Variants in RBFOX1 observed in about 807,000 individuals in gnomAD.
The protein encoded by RBFOX1 is RNA binding fox-1 homolog 1, also known as RNA binding protein fox-1 homolog 1.
Under a neutral mutation model 57.7 loss-of-function variants are expected in RBFOX1, and 8 were observed. The ratio of observed to expected loss-of-function variants is 0.14; its 90% CI spans 0.08 to 0.25. RBFOX1 has a LOEUF of 0.25. Among genes scored for constraint, RBFOX1 ranks in the 10% least tolerant of loss-of-function variants. The pLI, the probability that RBFOX1 is intolerant of heterozygous loss-of-function variation, is 1.00. For synonymous variants in RBFOX1, 326 were observed against 222.4 expected (o/e 1.47, Z -4.15); for missense variants, 611 against 548.5 (o/e 1.11, Z -1.14).
chr16:7,522,404 G>T (rs1408655058), intron 5 of RBFOX1, among the ~76,000 whole-genome samples: 1 of 152,170 alleles, frequency 6.6e-6, no homozygotes, highest in Non-Finnish European at 1.5e-5. Flanking sequence ...GGGCTATACA[G>T]CCTGGAGGGT....
intron 1 of RBFOX1, among the ~76,000 whole-genome samples, chr16:6,117,476 G>T (rs961568847): frequency 6.6e-6 from 1 of 152,240 alleles, no homozygotes; most frequent in Non-Finnish European, 1.5e-5. Flanking sequence ...AGGATTAAGA[G>T]GTGTGGCCAT....
At chr16:6,726,105 A>G (rs2067108877) in intron 3 of RBFOX1, among the ~76,000 whole-genome samples, 1 of 152,162 alleles carries the variant, frequency 6.6e-6, no homozygotes, top group South Asian at 2.1e-4. Flanking sequence ...AATATGAGAG[A>G]ACTTTGTTAC....
In RBFOX1 at chr16:5,824,753, C is replaced by T. The variant is rs573845778; in HGVS notation, c.319-42550C>T. 4.6e-5 allele frequency among the ~76,000 whole-genome samples: 7 copies of T among 152,366 alleles called. No individual in the cohort carries two copies. In the South Asian group the frequency reaches 1.0e-3, roughly 23 times the overall value. ...TCAGACGTTGCTTTCTACATTATAA[C>T]TGCACACTTTGAGCCCAGTGGCTTC... is the stretch of plus-strand genomic sequence containing the variant. On this transcript the variant is annotated intron_variant, in intron 3 of 19. Transcript: ENST00000641259.
At chr16:6,315,483 G>A (rs1027870485) in intron 1 of RBFOX1, among the ~76,000 whole-genome samples, 2 of 150,700 alleles carry the variant, frequency 1.3e-5, no homozygotes, top group Admixed American at 1.3e-4. Context: ...GTGGGTGGAT[G>A]GGTAGGTAGA....
chr16:5,628,320 C>A (rs1046559821), intron 3 of RBFOX1, among the ~76,000 whole-genome samples: 7 of 152,140 alleles, frequency 4.6e-5, no homozygotes, highest in African/African-American at 1.7e-4. Context: ...AGACTAAATT[C>A]TTTTTCTTTT....
At chr16:6,426,427 A>G (rs1202977204) in intron 2 of RBFOX1, among the ~76,000 whole-genome samples, 1 of 152,140 alleles carries the variant, frequency 6.6e-6, no homozygotes, top group African/African-American at 2.4e-5. Flanking sequence ...GAGGGGAAAG[A>G]GATAATCTAG....
intron 2 of RBFOX1, among the ~76,000 whole-genome samples, chr16:5,592,797 G>A (rs1337354182): frequency 1.3e-5 from 2 of 152,196 alleles, no homozygotes; most frequent in African/African-American, 4.8e-5. Flanking sequence ...CAGCCTGCTT[G>A]CTTTCTCTTG....
At chr16:5,843,195 C>T (rs1286214790) in intron 3 of RBFOX1, among the ~76,000 whole-genome samples, 1 of 152,108 alleles carries the variant, frequency 6.6e-6, no homozygotes, top group Admixed American at 6.6e-5. Flanking sequence ...TATAAGTAAA[C>T]TCACGTCTCA....
intron 4 of RBFOX1, among the ~76,000 whole-genome samples, chr16:7,255,493 T>C (rs753122689): frequency 5.3e-5 from 8 of 152,248 alleles, no homozygotes; most frequent in Non-Finnish European, 1.0e-4. Flanking sequence ...TGAATATGTA[T>C]TGCCATGGCA....
rs114737384 is a variant in RBFOX1, at chr16:6,801,085, G to A, written c.-16+146435G>A. Among the ~76,000 whole-genome samples the A allele has an allele frequency of 5.3e-3, 801 of 151,996 alleles. 8 individuals are homozygous for A. Among genetic ancestry groups the A allele is most frequent in the African/African-American group, 0.018 (746 of 41,450 alleles). On this transcript the variant is annotated intron_variant, in intron 3 of 15. Transcript: ENST00000550418. ...CAGACGGAGGACTTGTTAAAAGTGC[G>A]GATTGCCATTCAGTAGATCTGGGGA... is the stretch of plus-strand genomic sequence containing the variant.
chr16:5,432,850 A>G (rs534894435), intron 1 of RBFOX1, among the ~76,000 whole-genome samples: 9 of 151,824 alleles, frequency 5.9e-5, no homozygotes, highest in African/African-American at 1.7e-4. Context: ...CAGTGGCGCA[A>G]TCTCGGTTCA....
At chr16:7,536,564 A>G (rs776674921) in intron 5 of RBFOX1, among the ~76,000 whole-genome samples, 2 of 152,244 alleles carry the variant, frequency 1.3e-5, no homozygotes, top group Non-Finnish European at 2.9e-5. Context: ...ACTGCACTCC[A>G]GCCTGGGCAA....
At chr16:6,001,045 A>G (rs923772264) in intron 4 of RBFOX1, among the ~76,000 whole-genome samples, 1 of 151,954 alleles carries the variant, frequency 6.6e-6, no homozygotes, top group African/African-American at 2.4e-5. Context: ...GGATCGATGG[A>G]TGGGTAGGTG....
intron 5 of RBFOX1, among the ~76,000 whole-genome samples, chr16:7,548,027 G>C (rs12932791): frequency 0.59 from 90,423 of 152,112 alleles, 30,440 homozygotes; most frequent in Non-Finnish European, 0.76. Flanking sequence ...CTGTAAAGAG[G>C]ACACTCTGTA....
intron 3 of RBFOX1, among the ~76,000 whole-genome samples, chr16:6,767,135 C>T (rs141985264): frequency 1.4e-3 from 218 of 152,178 alleles, no homozygotes; most frequent in African/African-American, 5.2e-3. Flanking sequence ...TGCATTTTTC[C>T]TCCATACTTC....
chr16:7,479,874 CA>C (rs1267674142), intron 4 of RBFOX1, among the ~76,000 whole-genome samples: 1 of 152,196 alleles, frequency 6.6e-6, no homozygotes, highest in Non-Finnish European at 1.5e-5. Flanking sequence ...TAGACATTTT[CA>C]GCTTAAATGT....
intron 3 of RBFOX1, among the ~76,000 whole-genome samples, chr16:5,761,242 C>A (rs1021009887): frequency 6.6e-6 from 1 of 152,132 alleles, no homozygotes; most frequent in Non-Finnish European, 1.5e-5. Flanking sequence ...AAGGTGACTT[C>A]TGAAGAGTAA....
At chr16:6,722,324 T>G (rs1221316099) in intron 3 of RBFOX1, among the ~76,000 whole-genome samples, 1 of 151,972 alleles carries the variant, frequency 6.6e-6, no homozygotes, top group Non-Finnish European at 1.5e-5. Flanking sequence ...TTTTCTGTTT[T>G]TGTTTGCTTG....
chr16:7,284,292 G>A (rs572227648), intron 4 of RBFOX1, among the ~76,000 whole-genome samples: 86 of 152,216 alleles, frequency 5.6e-4, no homozygotes, highest in Non-Finnish European at 1.0e-3. Flanking sequence ...AAATTCCTAG[G>A]AGTGGTGTTG....
Sources: allele counts gnomAD v4.1 joint callset (sites outside exome capture counted in the v4.1 genomes callset), GRCh38; gene constraint gnomAD v4.1.1; transcripts MANE v1.5; gene names NCBI Gene and HGNC (gene_info 2026-07-23, HGNC 2026-07-21).